Variants in CACNA2D3 observed in about 807,000 individuals in gnomAD.
The protein encoded by CACNA2D3 is voltage-dependent calcium channel subunit alpha-2/delta-3.
In CACNA2D3, 60 loss-of-function variants were observed where a neutral mutation model predicts 160.6. That is an observed-to-expected ratio of 0.37 (90% CI 0.30 to 0.46). The LOEUF (loss-of-function observed/expected upper bound fraction) is 0.46, where lower values mean the gene tolerates loss of function less well. CACNA2D3 is among the 20% of genes least tolerant of loss of function. CACNA2D3 has a pLI of 1.00. For synonymous variants in CACNA2D3, 558 were observed against 492.9 expected, an observed-to-expected ratio of 1.13 and a Z score of -1.75; for missense variants, 1,205 against 1,365.0, an observed-to-expected ratio of 0.88 and a Z score of 1.85.
At chr3:54,884,867 G>A (rs1251200669) in intron 21 of CACNA2D3, among the ~76,000 whole-genome samples, 3 of 152,174 alleles carry the variant, frequency 2.0e-5, no homozygotes, top group Non-Finnish European at 2.9e-5. Context: ...AGAAACTGAC[G>A]TTTAGAGAAG....
At chr3:54,428,409 G>A (rs1303163650) in intron 4 of CACNA2D3, among the ~76,000 whole-genome samples, 1 of 152,090 alleles carries the variant, frequency 6.6e-6, no homozygotes. Flanking sequence ...GAGGCACTGG[G>A]GGCCGAGATC....
chr3:54,135,575 A>G (rs955710005), intron 2 of CACNA2D3, among the ~76,000 whole-genome samples: 15 of 152,222 alleles, frequency 9.9e-5, no homozygotes, highest in African/African-American at 2.4e-5. Flanking sequence ...TGCTTCCTTC[A>G]GATATCAGGA....
chr3:54,202,777 TTA>T (rs1401664757), intron 2 of CACNA2D3, among the ~76,000 whole-genome samples: 1 of 152,134 alleles, frequency 6.6e-6, no homozygotes, highest in Admixed American at 6.5e-5. Context: ...GAGTCCTGGT[TTA>T]TGTCTGATGT....
intron 2 of CACNA2D3, among the ~76,000 whole-genome samples, chr3:54,126,180 G>C (rs754911241): frequency 8.5e-5 from 13 of 152,184 alleles, no homozygotes; most frequent in Non-Finnish European, 1.9e-4. Context: ...TCAATATAGT[G>C]TGTTCATTTT....
At chr3:54,993,531 A>G (rs574961111) in intron 31 of CACNA2D3, among the ~76,000 whole-genome samples, 1 of 152,350 alleles carries the variant, frequency 6.6e-6, no homozygotes, top group Admixed American at 6.5e-5. Context: ...AAATGAGTTC[A>G]ATATGGAGCC....
At chr3:54,718,843 T>C (rs1701113620) in intron 11 of CACNA2D3, among the ~76,000 whole-genome samples, 2 of 152,110 alleles carry the variant, frequency 1.3e-5, no homozygotes, top group African/African-American at 4.8e-5. Context: ...CTTTCTGTAA[T>C]ATTTTGCAGT....
At chr3:55,066,758 C>A (rs983112347) in intron 35 of CACNA2D3, among the ~76,000 whole-genome samples, 1 of 151,608 alleles carries the variant, frequency 6.6e-6, no homozygotes, top group Non-Finnish European at 1.5e-5. Context: ...CCCTTTCCCT[C>A]GAGGACCTAA....
At chr3:54,461,842 T>G (rs1700511169) in intron 4 of CACNA2D3, among the ~76,000 whole-genome samples, 1 of 152,236 alleles carries the variant, frequency 6.6e-6, no homozygotes, top group African/African-American at 2.4e-5. Context: ...TTGCTTTTGC[T>G]TTTCTAGTTC....
chr3:54,143,191 C>T (rs758746877), intron 2 of CACNA2D3, among the ~76,000 whole-genome samples: 1 of 152,186 alleles, frequency 6.6e-6, no homozygotes, highest in Non-Finnish European at 1.5e-5. Context: ...TGAAGAAGCT[C>T]CCAGGGCAGT....
At chr3:54,209,975 T>C (rs1045586281) in intron 2 of CACNA2D3, among the ~76,000 whole-genome samples, 1 of 152,196 alleles carries the variant, frequency 6.6e-6, no homozygotes, top group African/African-American at 2.4e-5. Context: ...ATTTTACACA[T>C]ATTTATAGGG....
At chr3:54,409,204 T>C (rs1699625752) in intron 4 of CACNA2D3, among the ~76,000 whole-genome samples, 3 of 152,240 alleles carry the variant, frequency 2.0e-5, no homozygotes, top group South Asian at 2.1e-4. Flanking sequence ...CATGTCTTTG[T>C]GTCACACTTT....
chr3:54,881,731 A>G (rs1699801110), intron 21 of CACNA2D3, among the ~76,000 whole-genome samples: 3 of 152,138 alleles, frequency 2.0e-5, no homozygotes, highest in Admixed American at 2.0e-4. Context: ...GTCTTTAGGG[A>G]GGACAGCCAG....
At chr3:54,850,348 T>G (rs1397334725) in intron 17 of CACNA2D3, among the ~76,000 whole-genome samples, 1 of 152,250 alleles carries the variant, frequency 6.6e-6, no homozygotes, top group Non-Finnish European at 1.5e-5. Context: ...AGTGATTAAA[T>G]GCTCTTGATC....
rs186910104 is a variant in CACNA2D3, at chr3:55,074,139, C to T, written c.3209C>T (p.Ala1070Val). 143 of 1,613,742 alleles carry T rather than the reference C, an allele frequency of 8.9e-5. No individual in the cohort carries two copies. Among genetic ancestry groups the T allele is most frequent in the East Asian group, 7.8e-4 (35 of 44,860 alleles). Reference sequence around the variant, plus strand: ...GAGAATGCAAGGGAGTGTGGGGGTGCGCCGAGTCTCCAAGCCCAGACAGTC... The same window carrying T: ...GAGAATGCAAGGGAGTGTGGGGGTGTGCCGAGTCTCCAAGCCCAGACAGTC... Reference protein sequence around the residue: ...PEENARECGGAPSLQAQTVLL... With the variant: ...PEENARECGGVPSLQAQTVLL... The change falls in exon 38 of 38, where the codon GCG becomes GTG. Residue 1070 changes from alanine to valine, a missense_variant. Ala to Val is a moderately conservative substitution (Grantham distance 64). Around this residue, in one of 3 missense-constraint regions of CACNA2D3, gnomAD observed 911 missense variants for 1,002.2 expected, o/e 0.91. Coordinates refer to ENST00000474759, the MANE Select transcript of CACNA2D3 (RefSeq NM_018398.3).
chr3:54,128,088 G>A (rs932478062), intron 2 of CACNA2D3, among the ~76,000 whole-genome samples: 3 of 152,006 alleles, frequency 2.0e-5, no homozygotes, highest in African/African-American at 7.3e-5. Flanking sequence ...TTTTCTGGTT[G>A]GAGGCAAACT....
At chr3:54,879,327 C>CTT (rs35536476) in intron 19 of CACNA2D3, 23 bp from the exon 20 acceptor site, 294 of 1,385,646 alleles carry the variant, frequency 2.1e-4, no homozygotes, top group Middle Eastern at 7.8e-4. Flanking sequence ...TTCTCTACGA[C>CTT]TTTTTTTTTT....
intron 2 of CACNA2D3, among the ~76,000 whole-genome samples, chr3:54,183,640 T>A (rs1700823453): frequency 6.6e-6 from 1 of 151,976 alleles, no homozygotes; most frequent in South Asian, 2.1e-4. Flanking sequence ...ATCCCAGCAC[T>A]TTGGGAGGCT....
chr3:54,160,053 T>A lies in CACNA2D3; in HGVS notation c.204+36459T>A, dbSNP rs1258575220. ...AGTGCTTGTTGATCTACTCTTCATA[T>A]GATGATGATTTTGTAATATTGTTTT... On this transcript the variant is annotated intron_variant, in intron 2 of 37. Transcript: ENST00000474759. Among the ~76,000 whole-genome samples the A allele has an allele frequency of 5.3e-5, 8 of 152,346 alleles. No homozygotes were observed. The East Asian group carries it at 1.5e-3, about 29-fold the overall frequency.
Position 54,252,100 on chromosome 3 carries a change from G to GTTTTTTTTTTTTTTTTTTTTTTTTT in CACNA2D3, c.205-68328_205-68327insTTTTTTTTTTTTTTTTTTTTTTTTT, listed in dbSNP as rs548233026. Among the ~76,000 whole-genome samples the GTTTTTTTTTTTTTTTTTTTTTTTTT allele has an allele frequency of 2.8e-4, 34 of 120,970 alleles. 4 individuals are homozygous for GTTTTTTTTTTTTTTTTTTTTTTTTT. Among genetic ancestry groups the GTTTTTTTTTTTTTTTTTTTTTTTTT allele is most frequent in the African/African-American group, 1.1e-3 (31 of 29,204 alleles). The allele number at this position is 120,970 out of a possible 152,430, so 79.4% of individuals were successfully genotyped here. ...TCCAATTTCTCTTTTTGCAGAGCTA[G>GTTTTTTTTTTTTTTTTTTTTTTTTT]TTTTTTTTTTTTTTGTACGATACTC... is the stretch of plus-strand genomic sequence containing the variant. On this transcript the variant is annotated intron_variant, in intron 2 of 37. Coordinates refer to ENST00000474759, the MANE Select transcript of CACNA2D3 (RefSeq NM_018398.3).
Sources: gnomAD v4.1 joint callset for allele counts (sites outside exome capture counted in the v4.1 genomes callset) on GRCh38, gnomAD v4.1.1 for gene constraint, gnomAD v4.1.1 regional missense constraint, MANE v1.5 for transcripts, NCBI Gene and HGNC (gene_info 2026-07-23, HGNC 2026-07-21) for gene names.